Variants in PTPRN2 observed in about 807,000 individuals in gnomAD.
PTPRN2 encodes the protein receptor-type tyrosine-protein phosphatase N2.
Under a neutral mutation model 118.8 loss-of-function variants are expected in PTPRN2, and 74 were observed. That is an observed-to-expected ratio of 0.62 (90% CI 0.52 to 0.76). PTPRN2 has a LOEUF of 0.76. Ranked by LOEUF, PTPRN2 falls within the 30% of genes least tolerant of loss-of-function variation. PTPRN2 has a pLI of 0.00. For missense variants in PTPRN2, 1,481 were observed against 1,394.4 expected (o/e 1.06, Z -0.99); for synonymous variants, 641 against 608.0 (o/e 1.05, Z -0.80).
At chr7:157,750,120 C>T (rs1222204732) in intron 12 of PTPRN2, among the ~76,000 whole-genome samples, 1 of 152,034 alleles carries the variant, frequency 6.6e-6, no homozygotes, top group Non-Finnish European at 1.5e-5. Context: ...CTCAGGCCTG[C>T]AACATAGCAC....
rs540526840 is a variant in PTPRN2 at position 157,632,641 on chromosome 7, A to T, written c.2197-11132T>A. ...TCACCTGCAGAAAGACTAAGAAAGAAGCTGTTTAATAATGGGGATGATGAC... is the reference window on the plus strand; with the variant it reads ...TCACCTGCAGAAAGACTAAGAAAGATGCTGTTTAATAATGGGGATGATGAC... On this transcript the variant is annotated intron_variant, in intron 14 of 22. Transcript: ENST00000389418. This position sits in a 1 kb window ranked among gnomAD's most constrained non-coding sequence, Gnocchi z 4.3. Among the ~76,000 whole-genome samples the T allele has an allele frequency of 6.6e-6, 1 of 152,262 alleles. No homozygotes were observed. Among genetic ancestry groups the T allele is most frequent in the South Asian group, 2.1e-4 (1 of 4,818 alleles).
chr7:157,672,574 C>A (rs562213031), intron 13 of PTPRN2, among the ~76,000 whole-genome samples: 1 of 152,112 alleles, frequency 6.6e-6, no homozygotes, highest in Non-Finnish European at 1.5e-5. Context: ...AGGAAGATTG[C>A]GTTATTGTCC....
At chr7:158,111,748 G>A (rs1816294366) in intron 9 of PTPRN2, among the ~76,000 whole-genome samples, 2 of 152,152 alleles carry the variant, frequency 1.3e-5, no homozygotes, top group South Asian at 4.1e-4. Flanking sequence ...GCCCTCGAGG[G>A]GTTCACATTC....
intron 12 of PTPRN2, among the ~76,000 whole-genome samples, chr7:157,847,190 G>C (rs1186608829): frequency 8.0e-6 from 1 of 125,158 alleles, no homozygotes; most frequent in Admixed American, 7.8e-5. Context: ...ACTCCATCAC[G>C]TGTGCCCGAT....
rs1042114734 is a variant in PTPRN2 at position 158,509,261 on chromosome 7, C to T, written c.113-19476G>A. 6.6e-6 allele frequency among the ~76,000 whole-genome samples: 1 copy of T among 152,200 alleles called. No individual in the cohort carries two copies. The highest frequency in any genetic ancestry group is 6.5e-5 in the Admixed American group (1 of 15,288). ...GCGGCAGCAAATGCACCATCCACTT[C>T]CTTTCCTTGCCGGCCCGTCAGTCAC... On this transcript the variant is annotated intron_variant, in intron 1 of 22. Coordinates refer to ENST00000389418, the MANE Select transcript of PTPRN2 (RefSeq NM_002847.5). This position sits in a 1 kb window ranked among gnomAD's most constrained non-coding sequence, Gnocchi z 4.4.
Position 157,596,439 on chromosome 7 carries a change from G to A in PTPRN2, c.2419-1124C>T, listed in dbSNP as rs1400890905. ...CATCTTGCTAGCTCCAATGGGAGAA[G>A]GTTGGCTTAGAAGACCATAATTATT... On this transcript the variant is annotated intron_variant, in intron 16 of 22. Coordinates refer to ENST00000389418, the MANE Select transcript of PTPRN2 (RefSeq NM_002847.5). This position sits in a 1 kb window ranked among gnomAD's most constrained non-coding sequence, Gnocchi z 4.2. 2.6e-5 allele frequency among the ~76,000 whole-genome samples: 4 copies of A among 152,230 alleles called. No individual in the cohort carries two copies. The East Asian group carries it at 7.7e-4, about 29-fold the overall frequency.
At chr7:157,577,576 G>A (rs1210453339) in intron 18 of PTPRN2, among the ~76,000 whole-genome samples, 2 of 152,132 alleles carry the variant, frequency 1.3e-5, no homozygotes, top group Non-Finnish European at 2.9e-5. Flanking sequence ...GAGGCCACAC[G>A]GCTCAGGCAC....
intron 2 of PTPRN2, among the ~76,000 whole-genome samples, chr7:158,461,692 C>T (rs1203513253): frequency 6.6e-6 from 1 of 152,192 alleles, no homozygotes; most frequent in Non-Finnish European, 1.5e-5. Context: ...GAGCATTTCC[C>T]GGAACCATGG....
chr7:158,276,829 C>T (rs562723599), intron 3 of PTPRN2, among the ~76,000 whole-genome samples: 7 of 152,296 alleles, frequency 4.6e-5, no homozygotes, highest in Admixed American at 2.0e-4. Flanking sequence ...GGTGTGCGGG[C>T]GGCCTCCTCG....
intron 11 of PTPRN2, among the ~76,000 whole-genome samples, chr7:158,073,937 A>C (rs1398937884): frequency 6.6e-6 from 1 of 152,154 alleles, no homozygotes; most frequent in Non-Finnish European, 1.5e-5. Flanking sequence ...TCACCAGCAG[A>C]CGCGGCTCCC....
intron 2 of PTPRN2, among the ~76,000 whole-genome samples, chr7:158,353,157 G>T (rs1000967586): frequency 6.6e-6 from 1 of 152,208 alleles, no homozygotes; most frequent in African/African-American, 2.4e-5. Context: ...TGCCCACTGG[G>T]AGCACCCCCT....
At chr7:158,007,089 T>C (rs1805681184) in intron 11 of PTPRN2, among the ~76,000 whole-genome samples, 1 of 152,198 alleles carries the variant, frequency 6.6e-6, no homozygotes, top group Non-Finnish European at 1.5e-5. Flanking sequence ...CTCACGTGGC[T>C]TCTTCTCCAG....
At chr7:158,272,729 A>G (rs930765) in intron 3 of PTPRN2, among the ~76,000 whole-genome samples, 52,824 of 151,938 alleles carry the variant, frequency 0.35, 9,976 homozygotes, top group African/African-American at 0.5. Flanking sequence ...AGACAGTCGC[A>G]TCTGCCAGAT....
At chr7:157,558,585 C>T (rs955329997) in intron 21 of PTPRN2, among the ~76,000 whole-genome samples, 1 of 152,250 alleles carries the variant, frequency 6.6e-6, no homozygotes, top group Non-Finnish European at 1.5e-5. Context: ...CTCATGCTGC[C>T]TGGAACACGC....
chr7:157,740,877 G>C (rs1400513199), intron 12 of PTPRN2, among the ~76,000 whole-genome samples: 1 of 152,126 alleles, frequency 6.6e-6, no homozygotes, highest in Non-Finnish European at 1.5e-5. Flanking sequence ...CTCTCTCCCC[G>C]CCTTTTTGAA....
chr7:157,811,380 G>A (rs1806035594), intron 12 of PTPRN2, among the ~76,000 whole-genome samples: 1 of 136,910 alleles, frequency 7.3e-6, no homozygotes, highest in African/African-American at 2.7e-5. Context: ...GTATGTTTTA[G>A]TATCAAAATG....
chr7:158,158,516 G>T (rs1199329718), intron 6 of PTPRN2, among the ~76,000 whole-genome samples: 1 of 151,580 alleles, frequency 6.6e-6, no homozygotes, highest in Non-Finnish European at 1.5e-5. Context: ...CCAGGACTTC[G>T]CAAGTGCTTT....
intron 2 of PTPRN2, among the ~76,000 whole-genome samples, chr7:158,375,742 A>T (rs942280869): frequency 6.6e-6 from 1 of 152,160 alleles, no homozygotes; most frequent in African/African-American, 2.4e-5. Flanking sequence ...GGAACAGAAG[A>T]GTGGCGTGTC....
In PTPRN2 at chr7:157,808,895, G is replaced by A. The variant is rs144150605; in HGVS notation, c.1788+89778C>T. On this transcript the variant is annotated intron_variant, in intron 12 of 22. Transcript: ENST00000389418. The surrounding 1 kb of genome is among the most constrained non-coding windows in gnomAD (Gnocchi z 5.0). The stretch of plus-strand genomic sequence containing the variant: ...CCTTGGACGATTCACATTTCACATG[G>A]TCAGTCCCTGCAGCACCTCCCGAAG... Among the ~76,000 whole-genome samples the A allele has an allele frequency of 1.3e-5, 2 of 152,194 alleles. No homozygotes were observed. Among genetic ancestry groups the A allele is most frequent in the African/African-American group, 4.8e-5 (2 of 41,514 alleles).
Sources: allele counts gnomAD v4.1 joint callset (sites outside exome capture counted in the v4.1 genomes callset), GRCh38; gene constraint gnomAD v4.1.1; non-coding constraint Gnocchi (gnomAD v3.1); transcripts MANE v1.5; gene names NCBI Gene and HGNC (gene_info 2026-07-23, HGNC 2026-07-21).